Variants in TXLNB observed in about 807,000 individuals in gnomAD.
The protein encoded by TXLNB is taxilin beta, also known as beta-taxilin.
TXLNB carries 37 observed loss-of-function variants against 57.4 expected under a neutral mutation model. That is an observed-to-expected ratio of 0.64 (90% CI 0.50 to 0.85). The LOEUF is 0.85. Ranked by LOEUF, TXLNB falls within the 40% of genes least tolerant of loss-of-function variation. The pLI is 0.00. For synonymous variants in TXLNB, 302 were observed against 309.6 expected (o/e 0.98, Z 0.26); for missense variants, 848 against 825.6 (o/e 1.03, Z -0.33).
At chr6:139,281,140 T>C (rs768831092) in intron 2 of TXLNB, among the ~76,000 whole-genome samples, 1 of 152,192 alleles carries the variant, frequency 6.6e-6, no homozygotes, top group Non-Finnish European at 1.5e-5. Context: ...ATAAAATTAG[T>C]GGGTTGACTA....
rs900175420 is a variant in TXLNB, at chr6:139,264,514, A to G, written c.688-1741T>C. Among the ~76,000 whole-genome samples the G allele has an allele frequency of 2.0e-5, 3 of 152,082 alleles. No individual in the cohort carries two copies. The South Asian group carries it at 6.2e-4, about 32-fold the overall frequency. ...CAATCATAACCGCCAATCCTGGCCC[A>G]AAAGATGTAATCTTGCATATATATA... On this transcript the variant is annotated intron_variant, in intron 4 of 9. Coordinates refer to ENST00000358430, the MANE Select transcript of TXLNB (RefSeq NM_153235.4).
At chr6:139,288,961 A>AT in intron 1 of TXLNB, 48 bp from the exon 2 acceptor site, 1 of 1,354,432 alleles carries the variant, frequency 7.4e-7, no homozygotes, top group Non-Finnish European at 1.0e-6. Flanking sequence ...TACTTGCTAC[A>AT]TATCAATGCT....
chr6:139,236,021 C>T (rs1775832656), downstream of TXLNB, among the ~76,000 whole-genome samples: 1 of 152,178 alleles, frequency 6.6e-6, no homozygotes, highest in South Asian at 2.1e-4. Flanking sequence ...GGCAGCCTGA[C>T]TCCAGGGGAA....
the TXLNB span, among the ~76,000 whole-genome samples, chr6:139,219,290 C>G: frequency 2.0e-5 from 3 of 152,210 alleles, no homozygotes; most frequent in Non-Finnish European, 4.4e-5. Context: ...GGTTTTCAGT[C>G]CAGTTGCTGG....
intron 3 of TXLNB, among the ~76,000 whole-genome samples, chr6:139,275,349 GT>G (rs1776867192): frequency 6.6e-6 from 1 of 152,162 alleles, no homozygotes; most frequent in African/African-American, 2.4e-5. Flanking sequence ...AAAAATGCCT[GT>G]CACGTAAGAA....
chr6:139,255,034 C>T (rs1776300189), intron 7 of TXLNB, among the ~76,000 whole-genome samples: 1 of 152,174 alleles, frequency 6.6e-6, no homozygotes, highest in Non-Finnish European at 1.5e-5. Flanking sequence ...GTTGGTCAGG[C>T]TGGTCTCGAA....
intron 6 of TXLNB, among the ~76,000 whole-genome samples, chr6:139,257,397 T>C (rs949485113): frequency 5.9e-5 from 9 of 152,228 alleles, no homozygotes; most frequent in Admixed American, 5.9e-4. Flanking sequence ...TTTTTTGTTT[T>C]CATACTTATA....
At chr6:139,215,438 A>G in the TXLNB span, among the ~76,000 whole-genome samples, 5 of 152,314 alleles carry the variant, frequency 3.3e-5, no homozygotes, top group African/African-American at 7.2e-5. Context: ...GAAAGCTGAA[A>G]CTGGATCCCT....
At chr6:139,163,107 T>G in the TXLNB span, among the ~76,000 whole-genome samples, 1 of 152,228 alleles carries the variant, frequency 6.6e-6, no homozygotes, top group African/African-American at 2.4e-5. Flanking sequence ...CTGGGACTTT[T>G]CAGGTTTATT....
In TXLNB at chr6:139,240,654, C is replaced by T. The variant is rs1284614688; in HGVS notation, c.*1872G>A. The T allele has an allele frequency of 2.0e-5, 3 of 152,598 alleles. No individual in the cohort carries two copies. The highest frequency in any genetic ancestry group is 4.4e-5 in the Non-Finnish European group (3 of 68,034). The allele number at this position is 152,598 out of a possible 1,614,324, so 9.5% of individuals were successfully genotyped here. A position where few individuals can be genotyped will look rare whatever the true frequency, so the allele number is the denominator to read the frequency against. On this transcript the variant is annotated 3_prime_UTR_variant, in exon 10 of 10. Coordinates refer to ENST00000358430, the MANE Select transcript of TXLNB (RefSeq NM_153235.4). ...AGTAATGTTGAATTTGGCTGGATAC[C>T]CTGTGGTTATAATATTTTAAGCCTT...
intron 2 of TXLNB, among the ~76,000 whole-genome samples, chr6:139,278,867 G>T (rs1002693958): frequency 3.9e-5 from 6 of 152,184 alleles, no homozygotes; most frequent in Non-Finnish European, 7.3e-5. Flanking sequence ...AGCTAGGCTT[G>T]GTGGTACATG....
the TXLNB span, among the ~76,000 whole-genome samples, chr6:139,189,185 G>A: frequency 4.6e-5 from 7 of 152,152 alleles, no homozygotes; most frequent in East Asian, 1.9e-4. Flanking sequence ...TACAGCTTTC[G>A]GGGTAAAAGC....
At chr6:139,186,823 A>T in the TXLNB span, among the ~76,000 whole-genome samples, 5,421 of 152,310 alleles carry the variant, frequency 0.036, 111 homozygotes, top group Non-Finnish European at 0.048. Flanking sequence ...CCATGGACGG[A>T]CCTCAAAATA....
chr6:139,263,255 TAA>T (rs1396359539), intron 4 of TXLNB, among the ~76,000 whole-genome samples: 3 of 152,170 alleles, frequency 2.0e-5, no homozygotes, highest in African/African-American at 7.2e-5. Flanking sequence ...TTTGTAAATA[TAA>T]GTGATCACAA....
chr6:139,304,889 G>C, the TXLNB span, among the ~76,000 whole-genome samples: 2 of 152,144 alleles, frequency 1.3e-5, no homozygotes. Flanking sequence ...CAATTTAAAG[G>C]AGAAGATACC....
At chr6:139,172,630 T>C in the TXLNB span, among the ~76,000 whole-genome samples, 1 of 152,228 alleles carries the variant, frequency 6.6e-6, no homozygotes, top group African/African-American at 2.4e-5. Flanking sequence ...AAATTCTCTG[T>C]GGTCAGGACA....
chr6:139,204,885 T>C, the TXLNB span, among the ~76,000 whole-genome samples: 2 of 152,110 alleles, frequency 1.3e-5, no homozygotes, highest in African/African-American at 2.4e-5. Flanking sequence ...CCAGAGTCAA[T>C]TGTACTCCCC....
intron 4 of TXLNB, among the ~76,000 whole-genome samples, chr6:139,267,937 G>A (rs1325458877): frequency 2.6e-5 from 4 of 152,082 alleles, no homozygotes; most frequent in African/African-American, 9.7e-5. Flanking sequence ...TAGATCACAA[G>A]CTCAGGAGTT....
the TXLNB span, among the ~76,000 whole-genome samples, chr6:139,173,473 T>C: frequency 6.6e-6 from 1 of 152,170 alleles, no homozygotes; most frequent in East Asian, 1.9e-4. Context: ...GGTTGATCCT[T>C]ACTACTGAGT....
Sources: gnomAD v4.1 joint callset for allele counts (sites outside exome capture counted in the v4.1 genomes callset) on GRCh38, gnomAD v4.1.1 for gene constraint, MANE v1.5 for transcripts, NCBI Gene and HGNC (gene_info 2026-07-23, HGNC 2026-07-21) for gene names.